The following MYCBP2 variants were observed in gnomAD, a reference collection of about 807,000 sequenced individuals.
MYCBP2 encodes E3 ubiquitin-protein ligase MYCBP2.
A neutral mutation model predicts 525.3 loss-of-function variants in MYCBP2; 120 were observed. That is an observed-to-expected ratio of 0.23 (90% CI 0.20 to 0.27). The LOEUF (loss-of-function observed/expected upper bound fraction) is 0.27, where lower values mean the gene tolerates loss of function less well. Among genes scored for constraint, MYCBP2 ranks in the 10% least tolerant of loss-of-function variants. The pLI is 1.00. For synonymous variants in MYCBP2, 1,894 were observed against 1,955.8 expected (o/e 0.97, Z 0.83); for missense variants, 4,149 against 5,657.1 (o/e 0.73, Z 8.55).
At chr13:77,253,048 G>A (rs1474813454) in intron 14 of MYCBP2, among the ~76,000 whole-genome samples, 2 of 151,968 alleles carry the variant, frequency 1.3e-5, no homozygotes, top group South Asian at 4.2e-4. Flanking sequence ...AAAGAAAAAG[G>A]TTGAAAATTT....
intron 1 of MYCBP2, among the ~76,000 whole-genome samples, chr13:77,314,739 C>G (rs146923342): frequency 6.6e-6 from 1 of 151,950 alleles, no homozygotes; most frequent in Non-Finnish European, 1.5e-5. Flanking sequence ...CAAGAGTGAA[C>G]CCTAATGTAA....
At chr13:77,080,942 G>GAA (rs11424523) in intron 65 of MYCBP2, 27 of 120,472 alleles carry the variant, frequency 2.2e-4, no homozygotes, top group South Asian at 2.6e-4. Flanking sequence ...CTCCATCTCA[G>GAA]AAAAAAAAAA....
At position 77,058,980 on chromosome 13, in the gene MYCBP2, G is replaced by A. The variant is rs1594106072; in HGVS notation, c.13140+543C>T. Among the ~76,000 whole-genome samples, 2 of 151,740 alleles carry A rather than the reference G, an allele frequency of 1.3e-5. No homozygotes were observed. The highest frequency in any genetic ancestry group is 2.4e-5 in the African/African-American group (1 of 41,284). ...AGCCTGGGCGACACAGCCAGACTCC[G>A]TCTCAAAAAAATAAAAAATAAAAAA... On this transcript the variant is annotated intron_variant, in intron 77 of 82. Coordinates refer to ENST00000544440, the MANE Select transcript of MYCBP2 (RefSeq NM_015057.5). This position sits in a 1 kb window ranked among gnomAD's most constrained non-coding sequence, Gnocchi z 4.1.
chr13:77,275,634 G>A (rs748055019), intron 4 of MYCBP2, among the ~76,000 whole-genome samples: 1 of 152,018 alleles, frequency 6.6e-6, no homozygotes, highest in Non-Finnish European at 1.5e-5. Flanking sequence ...GCTACCCTGG[G>A]CAATATAGTA....
In MYCBP2 at chr13:77,081,803, C is replaced by T. The variant is rs1211197331; in HGVS notation, c.11193+34G>A. 6.3e-7 allele frequency: 1 copy of T among 1,590,468 alleles called. No individual in the cohort carries two copies. The highest frequency in any genetic ancestry group is 1.2e-5 in the South Asian group (1 of 86,452). ...TCTCCTTTGATGTATTATTAACTAACAGGACAACCAGGATAATAACTGAAA... is the reference window on the plus strand; with the variant it reads ...TCTCCTTTGATGTATTATTAACTAATAGGACAACCAGGATAATAACTGAAA... On this transcript the variant is annotated intron_variant, in intron 64 of 82. Coordinates refer to ENST00000544440, the MANE Select transcript of MYCBP2 (RefSeq NM_015057.5). This position sits in a 1 kb window ranked among gnomAD's most constrained non-coding sequence, Gnocchi z 4.6.
intron 1 of MYCBP2, among the ~76,000 whole-genome samples, chr13:77,309,399 G>A (rs535773424): frequency 2.5e-4 from 38 of 152,296 alleles, no homozygotes; most frequent in African/African-American, 8.7e-4. Context: ...CCTAGCAGTA[G>A]ACTTTTCAAA....
intron 74 of MYCBP2, among the ~76,000 whole-genome samples, 171 bp downstream of exon 74, chr13:77,062,425 A>T (rs2039460798): frequency 6.6e-6 from 1 of 152,180 alleles, no homozygotes; most frequent in Non-Finnish European, 1.5e-5. Context: ...TGAAGTAGGG[A>T]CTCTCTGAAA....
chr13:77,059,037 C>G (rs1265305102), intron 77 of MYCBP2, among the ~76,000 whole-genome samples: 12 of 151,766 alleles, frequency 7.9e-5, no homozygotes, highest in Non-Finnish European at 1.5e-5. Context: ...CCAGTCACCA[C>G]TCTCCGCATC....
At chr13:77,125,202 T>A (rs2051436743) in intron 54 of MYCBP2, 134 bp downstream of exon 54, 3 of 1,128,104 alleles carry the variant, frequency 2.7e-6, no homozygotes, top group African/African-American at 1.6e-5. Context: ...GTTGCAAGAT[T>A]TTTTAACTTT....
chr13:77,243,262 A>G lies in MYCBP2; in HGVS notation c.2528-102T>C, dbSNP rs562812182. ...CAAGAAAGTAAAAGCTAGCAAAAAC[A>G]TTGTCTAAAACACACAATATTTTTA... On this transcript the variant is annotated intron_variant, in intron 16 of 82. Transcript: ENST00000544440. 3 of 888,076 alleles carry G rather than the reference A, an allele frequency of 3.4e-6. No individual in the cohort carries two copies. The South Asian group carries it at 4.3e-5, about 13-fold the overall frequency. 55.0% of individuals were successfully genotyped at this position (888,076 alleles called of 1,614,324 possible).
intron 1 of MYCBP2, among the ~76,000 whole-genome samples, chr13:77,316,172 A>C (rs1198689375): frequency 6.6e-6 from 1 of 152,172 alleles, no homozygotes; most frequent in Non-Finnish European, 1.5e-5. Flanking sequence ...AGAACATCCC[A>C]GGGAATTTAC....
intron 1 of MYCBP2, among the ~76,000 whole-genome samples, chr13:77,318,615 G>C (rs942014175): frequency 1.3e-5 from 2 of 152,114 alleles, no homozygotes; most frequent in African/African-American, 4.8e-5. Context: ...TCAGCCGAGT[G>C]TGGTGGGACA....
chr13:77,199,375 T>G (rs1485709409), intron 26 of MYCBP2, among the ~76,000 whole-genome samples: 1 of 152,274 alleles, frequency 6.6e-6, no homozygotes, highest in African/African-American at 2.4e-5. Flanking sequence ...ATCCTGCACC[T>G]GACTCGGAGG....
At chr13:77,171,423 ATAATTC>A in intron 38 of MYCBP2, 63 bp downstream of exon 38, 2 of 1,491,214 alleles carry the variant, frequency 1.3e-6, no homozygotes, top group Non-Finnish European at 1.8e-6. Flanking sequence ...CTCCTCTTCA[ATAATTC>A]TATGCAAAAA....
At chr13:77,062,304 T>C (rs2039437789) in intron 74 of MYCBP2, among the ~76,000 whole-genome samples, 1 of 152,210 alleles carries the variant, frequency 6.6e-6, no homozygotes, top group Non-Finnish European at 1.5e-5. Flanking sequence ...ATCTAGTCAC[T>C]AAATCAGACT....
Position 77,139,225 on chromosome 13 carries a change from G to C in MYCBP2, c.7630C>G (p.Leu2544Val). The change falls in exon 52 of 83, where the codon CTT becomes GTT. Residue 2544 changes from leucine to valine, a missense_variant. Leu to Val is a conservative substitution (Grantham distance 32). Coordinates refer to ENST00000544440, the MANE Select transcript of MYCBP2 (RefSeq NM_015057.5). ...EAWCLSFNQHLGKSLLVPVDE... is the reference protein window; with the variant it reads ...EAWCLSFNQHVGKSLLVPVDE... Reference sequence around the variant, plus strand: ...ACAGGGACCAGAAGACTCTTGCCAAGATGTTGATTAAAAGAGAGGCACCAG... The same window carrying C: ...ACAGGGACCAGAAGACTCTTGCCAACATGTTGATTAAAAGAGAGGCACCAG... 6.2e-7 allele frequency: 1 copy of C among 1,613,774 alleles called. No individual in the cohort carries two copies. Among genetic ancestry groups the C allele is most frequent in the Non-Finnish European group, 8.5e-7 (1 of 1,179,756 alleles).
At chr13:77,163,613 A>G (rs1209805085) in intron 43 of MYCBP2, among the ~76,000 whole-genome samples, 1 of 152,170 alleles carries the variant, frequency 6.6e-6, no homozygotes, top group Admixed American at 6.5e-5. Flanking sequence ...AATTTGCTCC[A>G]TATAAAAAAG....
intron 1 of MYCBP2, among the ~76,000 whole-genome samples, chr13:77,305,129 G>T (rs2079245330): frequency 6.6e-6 from 1 of 151,946 alleles, no homozygotes; most frequent in South Asian, 2.1e-4. Flanking sequence ...GACTCTTTTA[G>T]ACAATATAAA....
In MYCBP2 at chr13:77,296,596, T is replaced by C; in HGVS notation, c.378+3A>G. The stretch of plus-strand genomic sequence containing the variant: ...ATTCCTTATCAATTACCAGCAGCTT[T>C]ACCTTGCTTCTTGTCTTCACTTTTG... On this transcript the variant is annotated splice_donor_region_variant and intron_variant, in intron 2 of 82. Transcript: ENST00000544440. The C allele has an allele frequency of 6.3e-7, 1 of 1,580,640 alleles. No homozygotes were observed. Among genetic ancestry groups the C allele is most frequent in the Non-Finnish European group, 8.5e-7 (1 of 1,169,828 alleles).
Sources: gnomAD v4.1 joint callset for allele counts (sites outside exome capture counted in the v4.1 genomes callset) on GRCh38, gnomAD v4.1.1 for gene constraint, Gnocchi (gnomAD v3.1) non-coding constraint, MANE v1.5 for transcripts, NCBI Gene and HGNC (gene_info 2026-07-23, HGNC 2026-07-21) for gene names.